SCN10A: variants seen among roughly 807,000 people sequenced by gnomAD.
The protein encoded by SCN10A is sodium voltage-gated channel alpha subunit 10, also known as sodium channel protein type 10 subunit alpha.
In SCN10A, 162 loss-of-function variants were observed where a neutral mutation model predicts 170.7. That is an observed-to-expected ratio of 0.95 (90% CI 0.84 to 1.08). SCN10A has a LOEUF of 1.08. Among genes scored for constraint, SCN10A ranks in the 50% least tolerant of loss-of-function variants. The pLI, the probability that SCN10A is intolerant of heterozygous loss-of-function variation, is 0.00. For synonymous variants in SCN10A, 985 were observed against 904.6 expected, an observed-to-expected ratio of 1.09 and a Z score of -1.59; for missense variants, 2,527 against 2,436.9, an observed-to-expected ratio of 1.04 and a Z score of -0.78.
chr3:38,736,361 CTGTGTGTGTGTG>C (rs68001863), intron 15 of SCN10A, among the ~76,000 whole-genome samples: 3,953 of 139,464 alleles, frequency 0.028, 115 homozygotes, highest in African/African-American at 0.072. Flanking sequence ...TAGGGAAACT[CTGTGTGTGTGTG>C]TGTGTGTGTG....
At chr3:38,798,016 C>T (rs1240552194) in intron 1 of SCN10A, among the ~76,000 whole-genome samples, 1 of 152,162 alleles carries the variant, frequency 6.6e-6, no homozygotes. Flanking sequence ...TAGCTCTGGA[C>T]TTGGGATCCC....
At chr3:38,763,683 T>C in intron 5 of SCN10A, 87 bp from the exon 6 acceptor site, 1 of 957,526 alleles carries the variant, frequency 1.0e-6, no homozygotes, top group Non-Finnish European at 1.7e-6. Context: ...TGGGGTATCA[T>C]TAGCCTAGAA....
intron 1 of SCN10A, among the ~76,000 whole-genome samples, chr3:38,807,749 A>G (rs187884510): frequency 1.2e-3 from 177 of 152,214 alleles, no homozygotes; most frequent in African/African-American, 3.9e-3. Context: ...TCTCTCCCCT[A>G]TAAATTGGTT....
intron 1 of SCN10A, among the ~76,000 whole-genome samples, chr3:38,795,347 CTTTTTTTTTT>C (rs1219351048): frequency 3.1e-5 from 4 of 127,842 alleles, no homozygotes; most frequent in African/African-American, 9.0e-5. Context: ...TTTTCTTTTT[CTTTTTTTTTT>C]TTTGAGACAG....
chr3:38,757,814 T>C (rs7433958), intron 8 of SCN10A, among the ~76,000 whole-genome samples: 11,799 of 152,116 alleles, frequency 0.078, 887 homozygotes, highest in East Asian at 0.28. Flanking sequence ...AGATGGCCTA[T>C]GAAGGAAGGC....
At chr3:38,740,466 G>A (rs978732085) in intron 14 of SCN10A, among the ~76,000 whole-genome samples, 26 of 152,332 alleles carry the variant, frequency 1.7e-4, no homozygotes, top group African/African-American at 6.3e-4. Context: ...TTATGGAGAA[G>A]AAAACAGGCT....
chr3:38,722,213 T>C (rs746269664), intron 20 of SCN10A, 45 bp downstream of exon 20: 10 of 1,580,452 alleles, frequency 6.3e-6, no homozygotes, highest in Non-Finnish European at 8.6e-6. Flanking sequence ...TTGTAGGAGA[T>C]TCCTATCTGG....
rs1353501005 is a variant in SCN10A, at chr3:38,756,727, C to T, written c.1237G>A (p.Ala413Thr). ...QNQATTDEIE[A>T]KEKKFQEALE... ...GCCTCCTGGAACTTCTTCTCCTTTG[C>T]TTCAATTTCATCAGTGGTTGCCTGG... is the stretch of plus-strand genomic sequence containing the variant. Residue 413 changes from alanine (A) to threonine (T), a missense_variant, in exon 10 of 28, where the codon GCA (alanine) becomes ACA (threonine). By Grantham distance (58) the Ala-to-Thr change is moderately conservative (BLOSUM62 0). Transcript: ENST00000449082. 1.2e-6 allele frequency: 2 copies of T among 1,614,194 alleles called. No homozygotes were observed. The highest frequency in any genetic ancestry group is 1.7e-6 in the Non-Finnish European group (2 of 1,180,042).
chr3:38,728,669 G>C lies in SCN10A; in HGVS notation c.2513C>G (p.Ser838Cys). 2 of 1,614,228 alleles carry C rather than the reference G, an allele frequency of 1.2e-6. No individual in the cohort carries two copies. The highest frequency in any genetic ancestry group is 1.7e-6 in the Non-Finnish European group (2 of 1,180,036). Residue 838 changes from serine to cysteine, a missense_variant, in exon 16 of 28, where the codon TCT (serine) becomes TGT (cysteine). Transcript: ENST00000449082. ...PRWHMHDFFH[S>C]FLIVFRILCG... is the part of the protein sequence containing the mutation. ...GAGGATACGGAAGACAATGAGGAAA[G>C]AGTGGAAGAAGTCGTGCATGTGCCA...
At chr3:38,740,702 T>A (rs3923696) in intron 14 of SCN10A, among the ~76,000 whole-genome samples, 26,570 of 152,136 alleles carry the variant, frequency 0.17, 3,448 homozygotes, top group East Asian at 0.39. Context: ...GAGGGTGATG[T>A]TAACCTCATA....
At chr3:38,803,735 G>T (rs148344540) in intron 1 of SCN10A, among the ~76,000 whole-genome samples, 1 of 151,676 alleles carries the variant, frequency 6.6e-6, no homozygotes, top group East Asian at 1.9e-4. Flanking sequence ...CCAACATGAC[G>T]CATGTATACA....
chr3:38,719,718 G>A (rs1327205430), intron 20 of SCN10A, among the ~76,000 whole-genome samples: 5 of 152,176 alleles, frequency 3.3e-5, no homozygotes, highest in Admixed American at 2.6e-4. Flanking sequence ...TGGCAGGAGT[G>A]AAAACCTGGC....
intron 1 of SCN10A, among the ~76,000 whole-genome samples, chr3:38,813,466 A>G (rs1432767913): frequency 6.6e-6 from 1 of 152,224 alleles, no homozygotes; most frequent in Non-Finnish European, 1.5e-5. Context: ...AGGAGATAAT[A>G]GACTAGGCTA....
rs1452959396 is a variant in SCN10A at position 38,702,023 on chromosome 3, G to A, written c.4473C>T (p.Ile1491=). 1 of 1,613,268 alleles carries A rather than the reference G, an allele frequency of 6.2e-7. No individual in the cohort carries two copies. The highest frequency in any genetic ancestry group is 1.1e-5 in the South Asian group (1 of 90,808). Residue 1491 remains isoleucine (I), a synonymous_variant, in exon 27 of 28, where the codon ATC becomes ATT. Transcript: ENST00000449082. ...GGTCATCAGTCTCCACCATCATGGT[G>A]ATCATGTTGAGGCAGATGAGGACCA... ...TIMVLICLNM[I]TMMVETDDQS...
chr3:38,718,899 G>A (rs1303627240), intron 20 of SCN10A, 73 bp from the exon 21 acceptor site: 12 of 1,447,672 alleles, frequency 8.3e-6, no homozygotes, highest in Non-Finnish European at 1.0e-5. Flanking sequence ...TGATAGGGAA[G>A]GACCCAGCCA....
intron 1 of SCN10A, among the ~76,000 whole-genome samples, chr3:38,796,400 T>C (rs2064342041): frequency 6.6e-6 from 1 of 152,164 alleles, no homozygotes; most frequent in Admixed American, 6.6e-5. Context: ...CTCGTATGTG[T>C]CATTTTGATT....
At chr3:38,773,679 C>T (rs1470704309) in intron 4 of SCN10A, among the ~76,000 whole-genome samples, 3 of 152,156 alleles carry the variant, frequency 2.0e-5, no homozygotes, top group Non-Finnish European at 1.5e-5. Context: ...AGTCAAAGTA[C>T]ACTGCATGAC....
At chr3:38,814,886 T>C (rs1003983052) in intron 1 of SCN10A, among the ~76,000 whole-genome samples, 9 of 152,244 alleles carry the variant, frequency 5.9e-5, no homozygotes, top group Admixed American at 5.2e-4. Context: ...TTCCACAACA[T>C]GTGGCTAGAA....
At chr3:38,788,627 G>A (rs111791003) in intron 4 of SCN10A, among the ~76,000 whole-genome samples, 11 of 118,778 alleles carry the variant, frequency 9.3e-5, no homozygotes, top group Non-Finnish European at 2.0e-4. Flanking sequence ...TGTTGGGGGG[G>A]GGTGGGGGCG....
Sources: gnomAD v4.1 joint callset for allele counts (sites outside exome capture counted in the v4.1 genomes callset) on GRCh38, gnomAD v4.1.1 for gene constraint, MANE v1.5 for transcripts, NCBI Gene and HGNC (gene_info 2026-07-23, HGNC 2026-07-21) for gene names.